Variants in LOXHD1 observed in about 807,000 individuals in gnomAD.
The protein encoded by LOXHD1 is lipoxygenase homology PLAT domains 1, also known as lipoxygenase homology domain-containing protein 1.
A neutral mutation model predicts 248.2 loss-of-function variants in LOXHD1; 205 were observed. That is an observed-to-expected ratio of 0.83 (90% CI 0.74 to 0.93). The LOEUF is 0.93. Among genes scored for constraint, LOXHD1 ranks in the 40% least tolerant of loss-of-function variants. The pLI is 0.00. For missense variants in LOXHD1, 2,930 were observed against 2,971.6 expected, an observed-to-expected ratio of 0.99 and a Z score of 0.33; for synonymous variants, 1,113 against 1,162.8, an observed-to-expected ratio of 0.96 and a Z score of 0.87.
chr18:46,571,047 G>A (rs2037741878), intron 15 of LOXHD1, among the ~76,000 whole-genome samples: 1 of 152,164 alleles, frequency 6.6e-6, no homozygotes, highest in Non-Finnish European at 1.5e-5. Context: ...GGGAATAGGG[G>A]TCCTTTTGCC....
At chr18:46,588,829 C>T (rs762033636) in intron 12 of LOXHD1, among the ~76,000 whole-genome samples, 2 of 152,190 alleles carry the variant, frequency 1.3e-5, no homozygotes, top group Non-Finnish European at 2.9e-5. Context: ...CACCCATCCA[C>T]GTCAGCCCCT....
intron 8 of LOXHD1, among the ~76,000 whole-genome samples, chr18:46,595,977 C>T (rs1049811444): frequency 6.6e-6 from 1 of 151,904 alleles, no homozygotes; most frequent in Non-Finnish European, 1.5e-5. Context: ...ATATAGTAAG[C>T]GCTTAAAAAT....
intron 21 of LOXHD1, among the ~76,000 whole-genome samples, chr18:46,556,519 C>A (rs1299921365): frequency 6.6e-6 from 1 of 152,094 alleles, no homozygotes; most frequent in Non-Finnish European, 1.5e-5. Flanking sequence ...GCCCATCCAG[C>A]CTGCAACGTG....
chr18:46,623,033 C>G (rs1599056903), intron 4 of LOXHD1, among the ~76,000 whole-genome samples: 2 of 152,304 alleles, frequency 1.3e-5, no homozygotes, highest in East Asian at 1.9e-4. Flanking sequence ...CAAGCCAGCT[C>G]TAGAGCTGGC....
chr18:46,541,719 G>A (rs1364644107), intron 25 of LOXHD1, 57 bp downstream of exon 25: 1 of 1,530,540 alleles, frequency 6.5e-7, no homozygotes, highest in Admixed American at 2.0e-5. Context: ...GGCTGAGTTG[G>A]GGTAGCTGGT....
intron 35 of LOXHD1, 44 bp downstream of exon 35, chr18:46,509,654 G>T: frequency 7.2e-7 from 1 of 1,380,874 alleles, no homozygotes; most frequent in Non-Finnish European, 1.0e-6. Context: ...AGGGGAAGGG[G>T]TGGGTGGTGG....
intron 40 of LOXHD1, among the ~76,000 whole-genome samples, chr18:46,480,047 T>C (rs1416517716): frequency 3.9e-5 from 6 of 152,202 alleles, no homozygotes; most frequent in African/African-American, 1.4e-4. Flanking sequence ...CTTGATAAAT[T>C]TGGATTGTTG....
intron 14 of LOXHD1, among the ~76,000 whole-genome samples, chr18:46,576,210 T>A (rs1156690142): frequency 6.6e-6 from 1 of 152,174 alleles, no homozygotes; most frequent in Non-Finnish European, 1.5e-5. Flanking sequence ...ATATTTTGAG[T>A]AGATAGGAAT....
intron 21 of LOXHD1, among the ~76,000 whole-genome samples, chr18:46,551,614 AT>A (rs944108319): frequency 3.9e-5 from 6 of 151,930 alleles, no homozygotes; most frequent in Non-Finnish European, 5.9e-5. Flanking sequence ...GTAAACTGTC[AT>A]TTTTTTTCAG....
intron 4 of LOXHD1, among the ~76,000 whole-genome samples, chr18:46,630,937 A>T (rs2038812388): frequency 6.6e-6 from 1 of 152,132 alleles, no homozygotes; most frequent in Non-Finnish European, 1.5e-5. Flanking sequence ...AGGATGAGCA[A>T]CTTGCCCAGA....
chr18:46,600,604 AAAGG>A (rs59983848), intron 8 of LOXHD1, among the ~76,000 whole-genome samples: 69,466 of 137,296 alleles, frequency 0.51, 16,938 homozygotes, highest in Admixed American at 0.58. Flanking sequence ...GTCCAAAAAA[AAAGG>A]AAGGAAGGAA....
intron 22 of LOXHD1, among the ~76,000 whole-genome samples, chr18:46,545,778 C>T (rs1401818064): frequency 6.0e-5 from 9 of 150,344 alleles, no homozygotes; most frequent in Non-Finnish European, 1.0e-4. Context: ...TACAGGCGCC[C>T]GCCACTACGC....
At chr18:46,646,352 C>T (rs958086945) in intron 2 of LOXHD1, among the ~76,000 whole-genome samples, 9 of 152,178 alleles carry the variant, frequency 5.9e-5, no homozygotes, top group African/African-American at 1.7e-4. Flanking sequence ...TGGAATTCCT[C>T]AGAAAGCAAT....
At position 46,604,238 on chromosome 18, in the gene LOXHD1, G is replaced by T; in HGVS notation, c.760-9C>A. ...ATATCTTCAATGACTATCTGGGAAG[G>T]AGAAGAGGGGACAAGGATGTAGATA... On this transcript the variant is annotated splice_polypyrimidine_tract_variant and intron_variant, in intron 6 of 40. Coordinates refer to ENST00000642948, the MANE Select transcript of LOXHD1 (RefSeq NM_001384474.1). 6.4e-7 allele frequency: 1 copy of T among 1,551,648 alleles called. No individual in the cohort carries two copies. Among genetic ancestry groups the T allele is most frequent in the Non-Finnish European group, 8.7e-7 (1 of 1,146,946 alleles).
intron 12 of LOXHD1, 90 bp from the exon 13 acceptor site, chr18:46,579,874 C>A: frequency 7.0e-7 from 1 of 1,432,100 alleles, no homozygotes; most frequent in Admixed American, 2.2e-5. Flanking sequence ...TCTGATTCCT[C>A]CTCTCCTTCT....
At chr18:46,491,038 T>C (rs1021515937) in intron 37 of LOXHD1, among the ~76,000 whole-genome samples, 9 of 152,160 alleles carry the variant, frequency 5.9e-5, no homozygotes, top group African/African-American at 2.2e-4. Context: ...TGAAGTGGAA[T>C]ATAGGAAGGA....
chr18:46,647,647 G>A (rs983645567), intron 2 of LOXHD1, among the ~76,000 whole-genome samples: 24 of 152,138 alleles, frequency 1.6e-4, no homozygotes, highest in Non-Finnish European at 1.0e-4. Context: ...CAGTGTAAGC[G>A]GTACAAGAAG....
intron 13 of LOXHD1, among the ~76,000 whole-genome samples, chr18:46,578,519 G>T (rs2037902183): frequency 1.4e-5 from 2 of 147,638 alleles, no homozygotes; most frequent in African/African-American, 5.0e-5. Flanking sequence ...AAATGAACCT[G>T]AGTCCACCCA....
chr18:46,606,058 A>T (rs886908346), intron 6 of LOXHD1, among the ~76,000 whole-genome samples: 5 of 152,244 alleles, frequency 3.3e-5, no homozygotes, highest in African/African-American at 1.2e-4. Context: ...ATATAAGCAG[A>T]TTTAGTCTTT....
Sources: allele counts gnomAD v4.1 joint callset (sites outside exome capture counted in the v4.1 genomes callset), GRCh38; gene constraint gnomAD v4.1.1; transcripts MANE v1.5; gene names NCBI Gene and HGNC (gene_info 2026-07-23, HGNC 2026-07-21).